The following CPT1C variants were observed in gnomAD, a reference collection of about 807,000 sequenced individuals.
The protein encoded by CPT1C is carnitine palmitoyltransferase 1C.
Under a neutral mutation model 97.3 loss-of-function variants are expected in CPT1C, and 61 were observed. That is an observed-to-expected ratio of 0.63 (90% CI 0.51 to 0.78). CPT1C has a LOEUF of 0.78. Ranked by LOEUF, CPT1C falls within the 30% of genes least tolerant of loss-of-function variation. The pLI, the probability that CPT1C is intolerant of heterozygous loss-of-function variation, is 0.00. For synonymous variants in CPT1C, 469 were observed against 447.2 expected, an observed-to-expected ratio of 1.05 and a Z score of -0.61; for missense variants, 975 against 1,065.5, an observed-to-expected ratio of 0.92 and a Z score of 1.18.
At chr19:49,704,947 G>A (rs889944740) in intron 8 of CPT1C, 60 bp from the exon 9 acceptor site, 30 of 1,467,184 alleles carry the variant, frequency 2.0e-5, no homozygotes, top group Non-Finnish European at 2.8e-5. Flanking sequence ...TTGGGTCAGT[G>A]GCTCCATCGG....
In CPT1C at chr19:49,713,693, C is replaced by A; in HGVS notation, c.*88C>A. 1 of 1,247,728 alleles carries A rather than the reference C, an allele frequency of 8.0e-7. No individual in the cohort carries two copies. The highest frequency in any genetic ancestry group is 1.1e-6 in the Non-Finnish European group (1 of 884,876). 77.3% of individuals were successfully genotyped at this position (1,247,728 alleles called of 1,614,324 possible). On this transcript the variant is annotated 3_prime_UTR_variant, in exon 20 of 20. Coordinates refer to ENST00000598293, the MANE Select transcript of CPT1C (RefSeq NM_001199753.2). ...CACAGGACAGGGGCAACTGGTTTGG[C>A]AACCCCACATCCAGGCCAATAAAGA...
chr19:49,710,660 G>A, intron 15 of CPT1C, 63 bp from the exon 16 acceptor site: 1 of 1,589,942 alleles, frequency 6.3e-7, no homozygotes, highest in Non-Finnish European at 8.6e-7. Context: ...ACAGAGATAG[G>A]TCAAGTCTGT....
intron 8 of CPT1C, 58 bp from the exon 9 acceptor site, chr19:49,704,949 C>A: frequency 2.0e-6 from 3 of 1,476,696 alleles, no homozygotes; most frequent in Non-Finnish European, 1.9e-6. Context: ...GGGTCAGTGG[C>A]TCCATCGGGG....
At chr19:49,698,662 C>CAA (rs34974547) in intron 4 of CPT1C, among the ~76,000 whole-genome samples, 4 of 114,522 alleles carry the variant, frequency 3.5e-5, no homozygotes, top group Non-Finnish European at 3.6e-5. Flanking sequence ...GACTCTGTCT[C>CAA]AAAAAAAAAA....
chr19:49,707,659 C>T, intron 13 of CPT1C, 36 bp downstream of exon 13: 3 of 1,409,780 alleles, frequency 2.1e-6, no homozygotes, highest in Non-Finnish European at 3.0e-6. Context: ...CTGGGGACCC[C>T]TGCCCCATCT....
chr19:49,711,968 G>T lies in CPT1C; in HGVS notation c.2019+7G>T, dbSNP rs750377649. 3 of 1,613,386 alleles carry T rather than the reference G, an allele frequency of 1.9e-6. No individual in the cohort carries two copies. Among genetic ancestry groups the T allele is most frequent in the South Asian group, 1.1e-5 (1 of 91,022 alleles). On this transcript the variant is annotated splice_region_variant and intron_variant, in intron 17 of 19. Transcript: ENST00000598293. Reference sequence around the variant, plus strand: ...GTCGCCCTTCCTGACCCAGGTTGGGGCACAGGGAAAGGGTTAGAGAGGGAA... The same window carrying T: ...GTCGCCCTTCCTGACCCAGGTTGGGTCACAGGGAAAGGGTTAGAGAGGGAA...
intron 3 of CPT1C, among the ~76,000 whole-genome samples, chr19:49,694,701 G>A (rs984548580): frequency 6.6e-6 from 1 of 151,650 alleles, no homozygotes; most frequent in African/African-American, 2.4e-5. Flanking sequence ...GCTTCAGCAG[G>A]CTAAACTGAA....
chr19:49,695,953 T>G (rs578101182), intron 3 of CPT1C, among the ~76,000 whole-genome samples: 1 of 152,218 alleles, frequency 6.6e-6, no homozygotes, highest in Non-Finnish European at 1.5e-5. Flanking sequence ...CTTGGCTCAC[T>G]GCAACCTCCA....
intron 13 of CPT1C, 147 bp from the exon 14 acceptor site, chr19:49,708,576 C>G: frequency 1.4e-6 from 1 of 725,262 alleles, no homozygotes; most frequent in Admixed American, 2.2e-5. Flanking sequence ...GAACATGAAC[C>G]TGAGACCGCA....
intron 3 of CPT1C, among the ~76,000 whole-genome samples, chr19:49,693,919 G>A (rs1373925313): frequency 6.6e-6 from 1 of 152,082 alleles, no homozygotes; most frequent in Non-Finnish European, 1.5e-5. Context: ...ACACAAATTA[G>A]CCTGGTGTGG....
intron 13 of CPT1C, among the ~76,000 whole-genome samples, chr19:49,708,349 A>T (rs1203249755): frequency 6.6e-6 from 1 of 151,988 alleles, no homozygotes; most frequent in African/African-American, 2.4e-5. Flanking sequence ...CAAAAAAAAC[A>T]AAACCAGCCA....
intron 4 of CPT1C, 26 bp downstream of exon 4, chr19:49,697,491 T>G (rs1446953301): frequency 1.3e-5 from 21 of 1,608,948 alleles, no homozygotes; most frequent in Non-Finnish European, 1.8e-5. Context: ...TCCAGCCCAG[T>G]AACCCCCAAT....
At chr19:49,707,106 C>T (rs2083544010) in intron 12 of CPT1C, among the ~76,000 whole-genome samples, 1 of 152,180 alleles carries the variant, frequency 6.6e-6, no homozygotes, top group Non-Finnish European at 1.5e-5. Flanking sequence ...GAAACCTCAT[C>T]TCCACTAAAA....
Position 49,692,376 on chromosome 19 carries a change from C to T in CPT1C, c.124C>T (p.His42Tyr). ...YLSGLRSWKR[H>Y]LSRFWNDFLT... ...CTCTGGCCTGCGCTCCTGGAAAAGGCATCTCTCACGTTTCTGGGTGAGGAG... is the reference window on the plus strand; with the variant it reads ...CTCTGGCCTGCGCTCCTGGAAAAGGTATCTCTCACGTTTCTGGGTGAGGAG... Residue 42 changes from histidine to tyrosine, a missense_variant, in exon 3 of 20, where the codon CAT becomes TAT. His to Tyr is a moderately conservative substitution (Grantham distance 83, BLOSUM62 2). Coordinates refer to ENST00000598293, the MANE Select transcript of CPT1C (RefSeq NM_001199753.2). 1.2e-6 allele frequency: 2 copies of T among 1,614,162 alleles called. No homozygotes were observed. Among genetic ancestry groups the T allele is most frequent in the Non-Finnish European group, 1.7e-6 (2 of 1,180,028 alleles).
At chr19:49,692,201 G>T in intron 2 of CPT1C, 38 bp from the exon 3 acceptor site, 1 of 1,602,764 alleles carries the variant, frequency 6.2e-7, no homozygotes, top group South Asian at 1.1e-5. Flanking sequence ...TGAGGGCGGA[G>T]GGGCTGGGGT....
rs756273283 is a variant in CPT1C at position 49,713,076 on chromosome 19, G to A, written c.2226+12G>A. The A allele has an allele frequency of 3.7e-6, 6 of 1,604,054 alleles. No homozygotes were observed. In the East Asian group the frequency reaches 8.9e-5, roughly 24 times the overall value. ...CAAGCACAAAAACGGTGAGACAAAC[G>A]TGTATACCCACCAACTCCCTCTTTC... On this transcript the variant is annotated intron_variant, in intron 19 of 19. Transcript: ENST00000598293.
At chr19:49,692,652 C>G (rs2082420499) in intron 3 of CPT1C, among the ~76,000 whole-genome samples, 2 of 152,208 alleles carry the variant, frequency 1.3e-5, no homozygotes. Flanking sequence ...AAAAACTACC[C>G]ACTTCCAGTT....
chr19:49,704,756 C>T lies in CPT1C; in HGVS notation c.740C>T (p.Pro247Leu), dbSNP rs765359581. ...TTTGTGTACCTGCGCTCCCGAAATC[C>T]GCTGATGGTGAACAGCAACTATTAC... is the stretch of plus-strand genomic sequence containing the variant. ...EEFVYLRSRN[P>L]LMVNSNYYMM... The change falls in exon 8 of 20, where the codon CCG becomes CTG. Residue 247 changes from proline (P) to leucine (L), a missense_variant. Around this residue, in one of 3 missense-constraint regions of CPT1C, gnomAD observed 596 missense variants for 603.1 expected, o/e 0.99. Transcript: ENST00000598293. The T allele has an allele frequency of 1.1e-5, 17 of 1,613,914 alleles. No individual in the cohort carries two copies. Among genetic ancestry groups the T allele is most frequent in the South Asian group, 2.2e-5 (2 of 91,072 alleles).
chr19:49,712,879 G>A, intron 18 of CPT1C, 30 bp downstream of exon 18: 2 of 1,598,790 alleles, frequency 1.3e-6, no homozygotes, highest in South Asian at 1.1e-5. Context: ...CTGGCCCCCA[G>A]AGGAAAGAGG....
Sources: gnomAD v4.1 joint callset for allele counts (sites outside exome capture counted in the v4.1 genomes callset) on GRCh38, gnomAD v4.1.1 for gene constraint, gnomAD v4.1.1 regional missense constraint, MANE v1.5 for transcripts, NCBI Gene and HGNC (gene_info 2026-07-23, HGNC 2026-07-21) for gene names.